Variants in TMEM245 observed in about 807,000 individuals in gnomAD.
TMEM245 encodes transmembrane protein 245, also known as protein CG-2.
A neutral mutation model predicts 101.2 loss-of-function variants in TMEM245; 69 were observed. The ratio of observed to expected loss-of-function variants is 0.68; its 90% CI spans 0.56 to 0.83. The LOEUF is 0.83. Ranked by LOEUF, TMEM245 falls within the 40% of genes least tolerant of loss-of-function variation. TMEM245 has a pLI of 0.00. For missense variants in TMEM245, 1,075 were observed against 1,092.8 expected (o/e 0.98, Z 0.23); for synonymous variants, 537 against 449.8 (o/e 1.19, Z -2.45).
In TMEM245 at chr9:109,068,053, C is replaced by T. The variant is rs560055999; in HGVS notation, c.1533-3486G>A. Among the ~76,000 whole-genome samples, 4 of 152,212 alleles carry T rather than the reference C, an allele frequency of 2.6e-5. 1 individual carries two copies. The highest frequency in any genetic ancestry group is 9.6e-5 in the African/African-American group (4 of 41,530). ...AAAGAATCAGACCTTCTATGAATCA[C>T]CAAAGTCTAAGCAACTTCAAAAAGC... is the stretch of plus-strand genomic sequence containing the variant. On this transcript the variant is annotated intron_variant, in intron 9 of 17. Transcript: ENST00000374586.
chr9:109,060,019 A>T (rs906937146), intron 11 of TMEM245, among the ~76,000 whole-genome samples: 4 of 152,236 alleles, frequency 2.6e-5, no homozygotes, highest in Non-Finnish European at 5.9e-5. Context: ...AAAAACTAAA[A>T]CAGGTAAAAT....
intron 12 of TMEM245, among the ~76,000 whole-genome samples, chr9:109,052,997 A>G (rs1828731705): frequency 6.6e-6 from 1 of 152,212 alleles, no homozygotes. Flanking sequence ...ACATTTCTAG[A>G]ATATTAACTA....
intron 9 of TMEM245, among the ~76,000 whole-genome samples, chr9:109,068,203 T>C (rs963450070): frequency 1.3e-5 from 2 of 151,568 alleles, no homozygotes; most frequent in Admixed American, 6.6e-5. Flanking sequence ...CTATCTCTAC[T>C]AAAAATACAA....
At chr9:109,098,565 AC>A (rs1482629719) in intron 3 of TMEM245, among the ~76,000 whole-genome samples, 1 of 152,110 alleles carries the variant, frequency 6.6e-6, no homozygotes, top group Non-Finnish European at 1.5e-5. Context: ...AAAAAAAAAA[AC>A]AAAAAACAAC....
intron 14 of TMEM245, among the ~76,000 whole-genome samples, chr9:109,048,489 A>G (rs1489260531): frequency 6.6e-6 from 1 of 152,206 alleles, no homozygotes; most frequent in Non-Finnish European, 1.5e-5. Context: ...ATATTTATTA[A>G]AAGTATGTGG....
At chr9:109,049,569 G>A (rs1828610093) in intron 14 of TMEM245, among the ~76,000 whole-genome samples, 1 of 152,114 alleles carries the variant, frequency 6.6e-6, no homozygotes, top group South Asian at 2.1e-4. Flanking sequence ...GCTTATGCCT[G>A]TAATCCCAGT....
At chr9:109,112,910 T>C (rs546875025) in intron 1 of TMEM245, among the ~76,000 whole-genome samples, 1 of 152,206 alleles carries the variant, frequency 6.6e-6, no homozygotes, top group Admixed American at 6.5e-5. Context: ...ACCCCGTCTC[T>C]ACTAAAAATA....
intron 1 of TMEM245, among the ~76,000 whole-genome samples, chr9:109,117,637 G>C (rs1472536717): frequency 6.6e-6 from 1 of 152,234 alleles, no homozygotes; most frequent in Non-Finnish European, 1.5e-5. Context: ...GTATCTGAGA[G>C]AGACTGGTAG....
At chr9:109,093,336 TA>T in intron 4 of TMEM245, 138 bp downstream of exon 4, 1 of 696,192 alleles carries the variant, frequency 1.4e-6, no homozygotes, top group Non-Finnish European at 2.4e-6. Context: ...GAAAAGGGCA[TA>T]AAAATAGGAA....
intron 14 of TMEM245, among the ~76,000 whole-genome samples, chr9:109,045,107 A>C (rs1467959306): frequency 6.6e-6 from 1 of 152,178 alleles, no homozygotes; most frequent in South Asian, 2.1e-4. Context: ...TAGCTACTTG[A>C]AATGATATAA....
intron 17 of TMEM245, among the ~76,000 whole-genome samples, chr9:109,028,775 T>G (rs1827865591): frequency 1.3e-5 from 2 of 152,086 alleles, no homozygotes; most frequent in Non-Finnish European, 2.9e-5. Context: ...CAGCTGCCTA[T>G]GAAGAGAGGC....
chr9:109,116,172 CCT>C (rs1830719230), intron 1 of TMEM245, among the ~76,000 whole-genome samples: 1 of 152,174 alleles, frequency 6.6e-6, no homozygotes, highest in African/African-American at 2.4e-5. Flanking sequence ...TTTCTCTCTG[CCT>C]CTCTCATCTA....
Position 109,020,235 on chromosome 9 carries a change from T to G in TMEM245, c.*225A>C. On this transcript the variant is annotated 3_prime_UTR_variant, in exon 18 of 18. Transcript: ENST00000374586. ...TCAAGCCATCTTAACAACAGTTAAG[T>G]GAGCAAACCACCAACTCTGAACTCT... 4 of 584,476 alleles carry G rather than the reference T, an allele frequency of 6.8e-6. No individual in the cohort carries two copies. Among genetic ancestry groups the G allele is most frequent in the Non-Finnish European group, 1.3e-5 (4 of 319,790 alleles). The allele number at this position is 584,476 out of a possible 1,614,324, so 36.2% of individuals were successfully genotyped here.
At chr9:109,081,067 T>C (rs1829653824) in intron 7 of TMEM245, 124 bp from the exon 8 acceptor site, 1 of 639,502 alleles carries the variant, frequency 1.6e-6, no homozygotes. Context: ...GGCATAATAA[T>C]TAAAGCAATA....
At chr9:109,114,688 TCCA>T (rs1376225157) in intron 1 of TMEM245, among the ~76,000 whole-genome samples, 1 of 152,190 alleles carries the variant, frequency 6.6e-6, no homozygotes, top group Non-Finnish European at 1.5e-5. Context: ...CTTCAAATTC[TCCA>T]CCAAGTCTAA....
Position 109,034,803 on chromosome 9 carries a change from C to T in TMEM245, c.2400-1302G>A, listed in dbSNP as rs1242944491. 2.6e-5 allele frequency among the ~76,000 whole-genome samples: 4 copies of T among 152,014 alleles called. No individual in the cohort carries two copies. In the East Asian group the frequency reaches 7.7e-4, roughly 29 times the overall value. On this transcript the variant is annotated intron_variant, in intron 16 of 17. Coordinates refer to ENST00000374586, the MANE Select transcript of TMEM245 (RefSeq NM_032012.4). ...TGGGAGTTTATGAATAAAAGCTTAACCTATTAAAAAATAAAACAATTTATG... is the reference window on the plus strand; with the variant it reads ...TGGGAGTTTATGAATAAAAGCTTAATCTATTAAAAAATAAAACAATTTATG...
chr9:109,023,349 A>G (rs1827690132), intron 17 of TMEM245, among the ~76,000 whole-genome samples: 3 of 152,238 alleles, frequency 2.0e-5, no homozygotes, highest in Admixed American at 2.0e-4. Flanking sequence ...GGCTTATTCC[A>G]GAGGCATAGC....
intron 16 of TMEM245, among the ~76,000 whole-genome samples, chr9:109,033,752 G>A (rs1828037619): frequency 6.6e-6 from 1 of 152,142 alleles, no homozygotes; most frequent in African/African-American, 2.4e-5. Context: ...AAAGAATAAA[G>A]CCAGCAATGT....
intron 17 of TMEM245, among the ~76,000 whole-genome samples, chr9:109,023,449 T>A (rs1827694816): frequency 6.6e-6 from 1 of 152,204 alleles, no homozygotes; most frequent in Non-Finnish European, 1.5e-5. Context: ...ATGTTTAACA[T>A]CCTACTTAAA....
Sources: gnomAD v4.1 joint callset for allele counts (sites outside exome capture counted in the v4.1 genomes callset) on GRCh38, gnomAD v4.1.1 for gene constraint, MANE v1.5 for transcripts, NCBI Gene and HGNC (gene_info 2026-07-23, HGNC 2026-07-21) for gene names.